PDE9A: variants seen among roughly 807,000 people sequenced by gnomAD.
PDE9A encodes the protein phosphodiesterase 9A.
A neutral mutation model predicts 87.4 loss-of-function variants in PDE9A; 60 were observed. The observed-to-expected ratio is 0.69, with a 90% confidence interval of 0.56 to 0.85. PDE9A has a LOEUF of 0.85. Among genes scored for constraint, PDE9A ranks in the 40% least tolerant of loss-of-function variants. The probability of loss-of-function intolerance (pLI) is 0.00; values close to 1 mark genes in which losing one functional copy is unlikely to be tolerated. For missense variants in PDE9A, 665 were observed against 779.0 expected, an observed-to-expected ratio of 0.85 and a Z score of 1.74; for synonymous variants, 272 against 279.4, an observed-to-expected ratio of 0.97 and a Z score of 0.27.
In PDE9A at chr21:42,722,826, G is replaced by A. The variant is rs2050663031; in HGVS notation, c.263-8944G>A. Among the ~76,000 whole-genome samples, 2 of 152,238 alleles carry A rather than the reference G, an allele frequency of 1.3e-5. No homozygotes were observed. Among genetic ancestry groups the A allele is most frequent in the African/African-American group, 4.8e-5 (2 of 41,454 alleles). On this transcript the variant is annotated intron_variant, in intron 4 of 19. Coordinates refer to ENST00000291539, the MANE Select transcript of PDE9A (RefSeq NM_002606.3). The surrounding 1 kb of genome is among the most constrained non-coding windows in gnomAD (Gnocchi z 4.1). ...TTTTAGAATCAGAATTATGGGTCAG[G>A]CTGTGCTAGCAATCAGTGAAATCAA...
rs2060050184 is a variant in PDE9A, at chr21:42,694,722, T to A, written c.219-4246T>A. 6.6e-6 allele frequency among the ~76,000 whole-genome samples: 1 copy of A among 152,188 alleles called. No homozygotes were observed. The highest frequency in any genetic ancestry group is 1.9e-4 in the East Asian group (1 of 5,198). ...TGCCTCCTGTTACCCCTCACAGTTATCTCTCCCTTGAGTCCTGCTACCTTC... is the reference window on the plus strand; with the variant it reads ...TGCCTCCTGTTACCCCTCACAGTTAACTCTCCCTTGAGTCCTGCTACCTTC... On this transcript the variant is annotated intron_variant, in intron 3 of 19. Coordinates refer to ENST00000291539, the MANE Select transcript of PDE9A (RefSeq NM_002606.3). The surrounding 1 kb of genome is among the most constrained non-coding windows in gnomAD (Gnocchi z 5.3).
intron 19 of PDE9A, among the ~76,000 whole-genome samples, chr21:42,774,629 C>G (rs1354969892): frequency 6.6e-6 from 1 of 152,010 alleles, no homozygotes; most frequent in Non-Finnish European, 1.5e-5. Context: ...CACCTGTAAT[C>G]CCAGAACTTT....
chr21:42,660,949 C>T lies in PDE9A; in HGVS notation c.69+7066C>T, dbSNP rs2057437902. Among the ~76,000 whole-genome samples the T allele has an allele frequency of 6.6e-6, 1 of 152,202 alleles. No homozygotes were observed. The highest frequency in any genetic ancestry group is 1.9e-4 in the East Asian group (1 of 5,200). ...GGGAGCATTGGCCCTGAACAGAAAC[C>T]CGCAGTACCCCTGAAAACTCGGTCT... On this transcript the variant is annotated intron_variant, in intron 1 of 19. Coordinates refer to ENST00000291539, the MANE Select transcript of PDE9A (RefSeq NM_002606.3). This position sits in a 1 kb window ranked among gnomAD's most constrained non-coding sequence, Gnocchi z 4.7.
At chr21:42,678,972 C>T (rs1273300110) in intron 1 of PDE9A, among the ~76,000 whole-genome samples, 1 of 152,234 alleles carries the variant, frequency 6.6e-6, no homozygotes, top group African/African-American at 2.4e-5. Context: ...TCTCACTGGA[C>T]GAGTCCCCTC....
chr21:42,717,419 TAC>T (rs2050046692), intron 4 of PDE9A, among the ~76,000 whole-genome samples: 2 of 148,138 alleles, frequency 1.4e-5, no homozygotes, highest in South Asian at 4.4e-4. Context: ...GCCTCCCAAG[TAC>T]CTGGGATTAC....
intron 1 of PDE9A, 45 bp downstream of exon 1, chr21:42,653,928 C>A: frequency 8.3e-7 from 1 of 1,197,736 alleles, no homozygotes; most frequent in Non-Finnish European, 1.2e-6. Context: ...CCCCGGGTGA[C>A]AGCGCCGGGG....
chr21:42,760,503 G>A lies in PDE9A; in HGVS notation c.1002+71G>A, dbSNP rs36047365. 0.034 allele frequency: 32,924 copies of A among 955,572 alleles called. 659 individuals are homozygous for A. Among genetic ancestry groups the A allele is most frequent in the African/African-American group, 0.045 (2,798 of 61,714 alleles). 59.2% of individuals were successfully genotyped at this position (955,572 alleles called of 1,614,324 possible). ...AGACGGAGGCCCCCTTCCAGGGAGC[G>A]GCAGCCCCATCCCACCAAGAGAGCC... On this transcript the variant is annotated intron_variant, in intron 12 of 19. Coordinates refer to ENST00000291539, the MANE Select transcript of PDE9A (RefSeq NM_002606.3). The surrounding 1 kb of genome is among the most constrained non-coding windows in gnomAD (Gnocchi z 5.2).
rs1251336307 is a variant in PDE9A, at chr21:42,722,396, GCAT to G, written c.263-9370_263-9368del. ...CTAACAAGGTGAAACATGGCTCATT[GCAT>G]CATATTAATAGCATGCAAATCTAAG... On this transcript the variant is annotated intron_variant, in intron 4 of 19. Coordinates refer to ENST00000291539, the MANE Select transcript of PDE9A (RefSeq NM_002606.3). This position sits in a 1 kb window ranked among gnomAD's most constrained non-coding sequence, Gnocchi z 4.1. Among the ~76,000 whole-genome samples, 1 of 152,190 alleles carries G rather than the reference GCAT, an allele frequency of 6.6e-6. No individual in the cohort carries two copies. Among genetic ancestry groups the G allele is most frequent in the African/African-American group, 2.4e-5 (1 of 41,440 alleles).
intron 10 of PDE9A, among the ~76,000 whole-genome samples, chr21:42,754,699 G>A (rs1028622243): frequency 5.3e-5 from 8 of 152,092 alleles, no homozygotes; most frequent in African/African-American, 1.9e-4. Flanking sequence ...AATCATGGGG[G>A]CAGTTTTCCC....
chr21:42,717,580 C>T (rs909044508), intron 4 of PDE9A, among the ~76,000 whole-genome samples: 2 of 150,970 alleles, frequency 1.3e-5, no homozygotes, highest in South Asian at 2.1e-4. Flanking sequence ...TTAGTAGAGA[C>T]GAGGTTTCAC....
At chr21:42,682,019 G>A (rs71320545) in intron 1 of PDE9A, among the ~76,000 whole-genome samples, 3,517 of 152,336 alleles carry the variant, frequency 0.023, 67 homozygotes, top group South Asian at 0.046. Context: ...TGACACCAGC[G>A]AAGAGCGCGG....
chr21:42,687,245 C>T (rs1243047863), intron 2 of PDE9A, among the ~76,000 whole-genome samples: 1 of 152,168 alleles, frequency 6.6e-6, no homozygotes, highest in South Asian at 2.1e-4. Context: ...TCTGAAAGTG[C>T]AGCAAATGGC....
At chr21:42,765,131 A>G (rs896948609) in intron 14 of PDE9A, among the ~76,000 whole-genome samples, 2 of 151,600 alleles carry the variant, frequency 1.3e-5, no homozygotes, top group Non-Finnish European at 2.9e-5. Flanking sequence ...GGATAAATGG[A>G]TGGAAGGGCA....
intron 9 of PDE9A, among the ~76,000 whole-genome samples, chr21:42,751,754 T>G (rs2054457069): frequency 6.6e-6 from 1 of 150,590 alleles, no homozygotes. Context: ...CTTTTTTTTT[T>G]TTTTTTTTTG....
chr21:42,698,847 A>T (rs920626936), intron 3 of PDE9A, 121 bp from the exon 4 acceptor site: 7 of 583,786 alleles, frequency 1.2e-5, no homozygotes, highest in Non-Finnish European at 2.1e-5. Context: ...AAAAATAAAA[A>T]TAAATAAAAA....
Position 42,660,545 on chromosome 21 carries a change from G to A in PDE9A, c.69+6662G>A, listed in dbSNP as rs890412957. ...CCGTGTACACCGCTCGGGTGACAGT[G>A]CACCAGAATCTCAGAAATCACCACT... On this transcript the variant is annotated intron_variant, in intron 1 of 19. Transcript: ENST00000291539. The surrounding 1 kb of genome is among the most constrained non-coding windows in gnomAD (Gnocchi z 4.7). Among the ~76,000 whole-genome samples the A allele has an allele frequency of 6.6e-6, 1 of 151,496 alleles. No individual in the cohort carries two copies. The highest frequency in any genetic ancestry group is 1.5e-5 in the Non-Finnish European group (1 of 67,976).
intron 7 of PDE9A, among the ~76,000 whole-genome samples, chr21:42,742,915 T>C (rs13052230): frequency 0.058 from 8,752 of 151,988 alleles, 333 homozygotes; most frequent in African/African-American, 0.11. Context: ...TTAGGGAGGG[T>C]CAGAATCTCG....
At chr21:42,710,395 C>T (rs906517187) in intron 4 of PDE9A, among the ~76,000 whole-genome samples, 1 of 135,412 alleles carries the variant, frequency 7.4e-6, no homozygotes, top group African/African-American at 2.9e-5. Flanking sequence ...GGCGACAGAG[C>T]GAGACTCCAT....
Position 42,775,394 on chromosome 21 carries a change from C to A in PDE9A, c.*101C>A. The A allele has an allele frequency of 5.6e-6, 5 of 899,370 alleles. No individual in the cohort carries two copies. The highest frequency in any genetic ancestry group is 5.0e-6 in the Non-Finnish European group (3 of 602,852). The allele number at this position is 899,370 out of a possible 1,614,324, so 55.7% of individuals were successfully genotyped here. ...CCCTGGGCACCTGGCACCACAAGAC[C>A]ATGTTTTCTAAGAACCATTTTGTTC... On this transcript the variant is annotated 3_prime_UTR_variant, in exon 20 of 20. Coordinates refer to ENST00000291539, the MANE Select transcript of PDE9A (RefSeq NM_002606.3).
Sources: allele counts gnomAD v4.1 joint callset (sites outside exome capture counted in the v4.1 genomes callset), GRCh38; gene constraint gnomAD v4.1.1; non-coding constraint Gnocchi (gnomAD v3.1); transcripts MANE v1.5; gene names NCBI Gene and HGNC (gene_info 2026-07-23, HGNC 2026-07-21).